Variants in ADARB2 observed in about 807,000 individuals in gnomAD.
ADARB2 encodes adenosine deaminase RNA specific B2 (inactive).
A neutral mutation model predicts 62.2 loss-of-function variants in ADARB2; 25 were observed. The ratio of observed to expected loss-of-function variants is 0.40; its 90% CI spans 0.29 to 0.56. The LOEUF is 0.56. Ranked by LOEUF, ADARB2 falls within the 20% of genes least tolerant of loss-of-function variation. The probability of loss-of-function intolerance (pLI) is 0.43; values close to 1 mark genes in which losing one functional copy is unlikely to be tolerated. For synonymous variants in ADARB2, 572 were observed against 500.8 expected (o/e 1.14, Z -1.90); for missense variants, 1,071 against 1,077.4 (o/e 0.99, Z 0.08).
intron 1 of ADARB2, among the ~76,000 whole-genome samples, chr10:1,505,602 G>C (rs993457824): frequency 1.3e-5 from 2 of 152,104 alleles, no homozygotes; most frequent in Non-Finnish European, 2.9e-5. Flanking sequence ...CCAGCCAGGC[G>C]CGTCAGCCGC....
intron 4 of ADARB2, among the ~76,000 whole-genome samples, chr10:1,253,862 GAGGATGTGGTGGCATCTGTGGTT>G (rs1564236715): frequency 2.6e-5 from 4 of 152,190 alleles, no homozygotes; most frequent in Non-Finnish European, 2.9e-5. Context: ...GCTCTGTGGT[GAGGATGTGGTGGCATCTGTGGTT>G]AGGATGCGGT....
intron 1 of ADARB2, among the ~76,000 whole-genome samples, chr10:1,568,219 C>T (rs372325461): frequency 8.5e-5 from 13 of 152,344 alleles, no homozygotes; most frequent in East Asian, 1.9e-4. Context: ...GCCAGGCCTC[C>T]GCTGTCCTGA....
At chr10:1,439,524 G>T (rs11250517) in intron 1 of ADARB2, among the ~76,000 whole-genome samples, 15 of 94,340 alleles carry the variant, frequency 1.6e-4, no homozygotes, top group South Asian at 9.0e-4. Flanking sequence ...GGCCCTTCAC[G>T]ATGGGGCTCC....
chr10:1,460,483 TGC>T (rs1831158400), intron 1 of ADARB2, among the ~76,000 whole-genome samples: 2 of 85,012 alleles, frequency 2.4e-5, no homozygotes, highest in Non-Finnish European at 4.6e-5. Context: ...TGAGTTTACC[TGC>T]GTTACGAACC....
intron 2 of ADARB2, among the ~76,000 whole-genome samples, chr10:1,376,157 G>A (rs918010633): frequency 1.6e-4 from 24 of 152,204 alleles, no homozygotes; most frequent in African/African-American, 5.5e-4. Flanking sequence ...GGCCGCGCTG[G>A]CAATGCCACA....
At chr10:1,206,717 T>A (rs182202050) in intron 7 of ADARB2, among the ~76,000 whole-genome samples, 2 of 152,240 alleles carry the variant, frequency 1.3e-5, no homozygotes, top group African/African-American at 4.8e-5. Context: ...TGCGTCTCTG[T>A]ATTGGGTTGG....
At chr10:1,510,114 T>TC (rs1564312499) in intron 1 of ADARB2, among the ~76,000 whole-genome samples, 2 of 59,456 alleles carry the variant, frequency 3.4e-5, no homozygotes, top group Non-Finnish European at 7.2e-5. Flanking sequence ...CTTTCTCTCT[T>TC]TCTTTCTTTC....
rs558026686 is a variant in ADARB2 at position 1,565,084 on chromosome 10, C to G, written c.100+171967G>C. On this transcript the variant is annotated intron_variant, in intron 1 of 9. Transcript: ENST00000381312. ...TCTCCTCGCCTGGAATGATACCATT[C>G]CTGTCCTTCTGATTACGCTGGCACC... Among the ~76,000 whole-genome samples the G allele has an allele frequency of 5.6e-4, 85 of 152,322 alleles. No individual in the cohort carries two copies. The South Asian group carries it at 0.018, about 32-fold the overall frequency.
intron 3 of ADARB2, among the ~76,000 whole-genome samples, chr10:1,299,731 C>T (rs748676172): frequency 5.3e-5 from 8 of 152,318 alleles, no homozygotes; most frequent in East Asian, 1.9e-4. Flanking sequence ...CCCTGGGCTT[C>T]GCCTCCTTCT....
At chr10:1,350,269 AC>A (rs1450067465) in intron 3 of ADARB2, among the ~76,000 whole-genome samples, 2 of 151,816 alleles carry the variant, frequency 1.3e-5, no homozygotes, top group African/African-American at 4.8e-5. Context: ...TCCCAATGCA[AC>A]TCATCCCAAA....
At chr10:1,609,684 G>C (rs1178725586) in intron 1 of ADARB2, among the ~76,000 whole-genome samples, 1 of 152,234 alleles carries the variant, frequency 6.6e-6, no homozygotes, top group Non-Finnish European at 1.5e-5. Flanking sequence ...CGCTTCCCTT[G>C]GGGACACTCT....
chr10:1,332,393 G>T (rs1831936228), intron 3 of ADARB2, among the ~76,000 whole-genome samples: 1 of 150,234 alleles, frequency 6.7e-6, no homozygotes, highest in Admixed American at 6.6e-5. Flanking sequence ...TCCAGTCTGG[G>T]TGATGGAGTG....
rs1835124285 is a variant in ADARB2, at chr10:1,723,574, C to T, written c.100+13477G>A. 1.3e-5 allele frequency among the ~76,000 whole-genome samples: 2 copies of T among 152,130 alleles called. 1 individual carries two copies. The highest frequency in any genetic ancestry group is 4.1e-4 in the South Asian group (2 of 4,826). On this transcript the variant is annotated intron_variant, in intron 1 of 9. Coordinates refer to ENST00000381312, the MANE Select transcript of ADARB2 (RefSeq NM_018702.4). ...CCCCATAAGAGAGTTATGAAGCAGA[C>T]CTTATCAAACCTGGGAAAAGAACTG...
intron 4 of ADARB2, among the ~76,000 whole-genome samples, chr10:1,264,337 C>G (rs1028048754): frequency 6.6e-6 from 1 of 152,146 alleles, no homozygotes; most frequent in African/African-American, 2.4e-5. Context: ...TCAGGGGAGA[C>G]AACGGAAGGA....
intron 3 of ADARB2, among the ~76,000 whole-genome samples, chr10:1,300,053 C>T (rs1025785333): frequency 2.0e-5 from 3 of 152,194 alleles, no homozygotes; most frequent in African/African-American, 7.2e-5. Flanking sequence ...CCGTACCCAC[C>T]ACACTTGTCT....
intron 1 of ADARB2, among the ~76,000 whole-genome samples, chr10:1,700,290 A>C (rs1249811766): frequency 3.2e-4 from 3 of 9,492 alleles, no homozygotes; most frequent in Non-Finnish European, 6.2e-4. Flanking sequence ...ACCAGGCGCT[A>C]GTCAATACAC....
chr10:1,585,042 G>T (rs777664225), intron 1 of ADARB2, among the ~76,000 whole-genome samples: 8 of 152,114 alleles, frequency 5.3e-5, no homozygotes. Context: ...ACATGCCATT[G>T]TACATTTGTC....
chr10:1,736,941 C>A (rs1429682433), intron 1 of ADARB2, 110 bp downstream of exon 1: 2 of 1,147,898 alleles, frequency 1.7e-6, no homozygotes, highest in East Asian at 2.5e-5. Context: ...CCGCCAGCAC[C>A]CCAAAGTGAA....
At chr10:1,479,077 C>T (rs1164418252) in intron 1 of ADARB2, among the ~76,000 whole-genome samples, 1 of 152,168 alleles carries the variant, frequency 6.6e-6, no homozygotes, top group African/African-American at 2.4e-5. Context: ...GCAGGGGCAG[C>T]ATAGGTTGTG....
Sources: gnomAD v4.1 joint callset for allele counts (sites outside exome capture counted in the v4.1 genomes callset) on GRCh38, gnomAD v4.1.1 for gene constraint, MANE v1.5 for transcripts, NCBI Gene and HGNC (gene_info 2026-07-23, HGNC 2026-07-21) for gene names.